ZNF786: variants seen among roughly 807,000 people sequenced by gnomAD.
ZNF786 encodes the protein zinc finger protein 786.
ZNF786 carries 56 observed loss-of-function variants against 63.1 expected under a neutral mutation model. The observed-to-expected ratio is 0.89, with a 90% CI of 0.72 to 1.11. The LOEUF is 1.11. Ranked by LOEUF, ZNF786 falls within the 50% of genes least tolerant of loss-of-function variation. The pLI is 0.00. For synonymous variants in ZNF786, 485 were observed against 406.9 expected, an observed-to-expected ratio of 1.19 and a Z score of -2.31; for missense variants, 1,213 against 1,041.8, an observed-to-expected ratio of 1.16 and a Z score of -2.26.
Position 149,074,492 on chromosome 7 carries a change from C to G in ZNF786, c.192G>C (p.Gly64=). The change falls in exon 3 of 4, where the codon GGG becomes GGC. Residue 64 remains glycine (G), a synonymous_variant. Transcript: ENST00000491431. The part of the protein sequence containing the change: ...KPELISWIEH[G]GEPFRKWRES... The stretch of plus-strand genomic sequence containing the variant: ...CTCTCCATTTCCTGAAGGGCTCTCC[C>G]CCGTGTTCAATCCAGGATATTAGTT... The G allele has an allele frequency of 6.2e-7, 1 of 1,613,880 alleles. No homozygotes were observed. Among genetic ancestry groups the G allele is most frequent in the Non-Finnish European group, 8.5e-7 (1 of 1,179,850 alleles).
chr7:149,075,782 G>T (rs1394991461), intron 2 of ZNF786, among the ~76,000 whole-genome samples: 1 of 140,750 alleles, frequency 7.1e-6, no homozygotes, highest in Admixed American at 7.9e-5. Flanking sequence ...TCCCACCTCA[G>T]CCTCCTGACA....
intron 2 of ZNF786, among the ~76,000 whole-genome samples, chr7:149,079,984 C>T (rs1285554762): frequency 1.3e-5 from 2 of 150,740 alleles, no homozygotes; most frequent in African/African-American, 4.9e-5. Flanking sequence ...CCATCCTGTC[C>T]AACATGGTGA....
intron 1 of ZNF786, among the ~76,000 whole-genome samples, chr7:149,086,601 G>A (rs866266266): frequency 2.1e-4 from 32 of 149,598 alleles, no homozygotes; most frequent in Admixed American, 8.2e-4. Flanking sequence ...GCACTCCAGC[G>A]TGGGTGACAG....
chr7:149,082,890 CTTTTAT>C (rs1563139791), intron 1 of ZNF786, among the ~76,000 whole-genome samples: 2 of 149,782 alleles, frequency 1.3e-5, no homozygotes, highest in African/African-American at 2.5e-5. Context: ...GCCTCTTCAT[CTTTTAT>C]TTTTATTTAT....
In ZNF786 at chr7:149,074,374, C is replaced by T. The variant is rs766084642; in HGVS notation, c.298+12G>A. On this transcript the variant is annotated intron_variant, in intron 3 of 3. Transcript: ENST00000491431. ...TGTCTCAAGGTCGGGGCCCTGATTT[C>T]TTAATACTCACCCCAAAACAGCTGT... 3.1e-6 allele frequency: 5 copies of T among 1,613,214 alleles called. No homozygotes were observed. Among genetic ancestry groups the T allele is most frequent in the African/African-American group, 2.7e-5 (2 of 74,890 alleles).
In ZNF786 at chr7:149,070,399, A is replaced by G; in HGVS notation, c.*24T>C. ...TCCTGGGCAATACCAATCCTGCTCA[A>G]CGCTTTGGATGTCCCACTCTGCCTC... is the stretch of plus-strand genomic sequence containing the variant. On this transcript the variant is annotated 3_prime_UTR_variant, in exon 4 of 4. Transcript: ENST00000491431. 1 of 1,606,050 alleles carries G rather than the reference A, an allele frequency of 6.2e-7. No homozygotes were observed. The highest frequency in any genetic ancestry group is 1.1e-5 in the South Asian group (1 of 89,942).
At position 149,072,233 on chromosome 7, in the gene ZNF786, G is replaced by C. The variant is rs866837239; in HGVS notation, c.539C>G (p.Pro180Arg). 4.3e-6 allele frequency: 7 copies of C among 1,613,476 alleles called. No homozygotes were observed. Among genetic ancestry groups the C allele is most frequent in the Non-Finnish European group, 5.9e-6 (7 of 1,179,790 alleles). The change falls in exon 4 of 4, where the codon CCC becomes CGC. Residue 180 changes from proline to arginine, a missense_variant. Transcript: ENST00000491431. ...AGGGTGCTGGGTGCTCTCCCAGGCG[G>C]GGACGTCCCACAAACCAGGAAGATC... ...NLDLPGLWDV[P>R]AWESTQHPWP...
intron 1 of ZNF786, among the ~76,000 whole-genome samples, chr7:149,086,881 G>A (rs1442686206): frequency 2.7e-5 from 4 of 146,654 alleles, no homozygotes; most frequent in African/African-American, 5.1e-5. Flanking sequence ...TTGCTCCATC[G>A]CCCAGGCAGG....
chr7:149,082,496 A>G, intron 1 of ZNF786: 1 of 905,198 alleles, frequency 1.1e-6, no homozygotes, highest in Non-Finnish European at 1.3e-6. Context: ...TTACATAAGC[A>G]TACATCCCAC....
Position 149,071,617 on chromosome 7 carries a change from G to T in ZNF786, c.1155C>A (p.Ala385=), listed in dbSNP as rs777289258. The T allele has an allele frequency of 1.3e-6, 2 of 1,589,670 alleles. No individual in the cohort carries two copies. The highest frequency in any genetic ancestry group is 2.3e-5 in the East Asian group (1 of 43,864). Residue 385 remains alanine, a synonymous_variant, in exon 4 of 4, where the codon GCC becomes GCA. Coordinates refer to ENST00000491431, the MANE Select transcript of ZNF786 (RefSeq NM_152411.4). Reference sequence around the variant, plus strand: ...CTCCAGTATGCGCCCTGCAGGGGCTGGCGAGCCTGGCGCTCATAGGGGAGC... The same window carrying T: ...CTCCAGTATGCGCCCTGCAGGGGCTTGCGAGCCTGGCGCTCATAGGGGAGC... ...GERSPMSARL[A]SPCRAHTGEK...
chr7:149,069,969 ATAAT>A lies in ZNF786; in HGVS notation c.*450_*453del, dbSNP rs1825369432. On this transcript the variant is annotated 3_prime_UTR_variant, in exon 4 of 4. Coordinates refer to ENST00000491431, the MANE Select transcript of ZNF786 (RefSeq NM_152411.4). The stretch of plus-strand genomic sequence containing the variant: ...CTTTTTAAAATGTCAGAACTTCCTT[ATAAT>A]TACACACATATATTTTTATACAAAT... The A allele has an allele frequency of 6.5e-6, 1 of 154,966 alleles. No individual in the cohort carries two copies. Among genetic ancestry groups the A allele is most frequent in the Admixed American group, 6.3e-5 (1 of 15,768 alleles). The allele number at this position is 154,966 out of a possible 1,614,324, so 9.6% of individuals were successfully genotyped here. A position where few individuals can be genotyped will look rare whatever the true frequency, so the allele number is the denominator to read the frequency against.
intron 1 of ZNF786, among the ~76,000 whole-genome samples, chr7:149,086,489 G>T (rs1270464583): frequency 6.6e-6 from 1 of 152,174 alleles, no homozygotes; most frequent in African/African-American, 2.4e-5. Context: ...TTAGCTGGGT[G>T]TGGTGGCAGG....
intron 2 of ZNF786, among the ~76,000 whole-genome samples, chr7:149,079,563 CTTTTTTTTTT>C (rs377025040): frequency 1.7e-5 from 2 of 119,442 alleles, no homozygotes; most frequent in East Asian, 4.9e-4. Flanking sequence ...GACAGCTACT[CTTTTTTTTTT>C]TTTTTTTTTC....
rs1466452960 is a variant in ZNF786, at chr7:149,090,630, G to A, written c.11C>T (p.Pro4Leu). Reference protein sequence around the residue: MAEPPRLPLTFEDV... With the variant: MAELPRLPLTFEDV... Reference sequence around the variant, plus strand: ...ACAGGCTAGCCCGCTTACCCGAGGCGGCTCCGCCATGGTCCCCGCGGTCCC... The same window carrying A: ...ACAGGCTAGCCCGCTTACCCGAGGCAGCTCCGCCATGGTCCCCGCGGTCCC... Residue 4 changes from proline to leucine, a missense_variant, in exon 1 of 4, where the codon CCG (proline) becomes CTG (leucine). By Grantham distance (98) the Pro-to-Leu change is moderately conservative. Coordinates refer to ENST00000491431, the MANE Select transcript of ZNF786 (RefSeq NM_152411.4). The A allele has an allele frequency of 6.3e-7, 1 of 1,591,424 alleles. No individual in the cohort carries two copies. Among genetic ancestry groups the A allele is most frequent in the East Asian group, 2.3e-5 (1 of 43,328 alleles).
rs117739831 is a variant in ZNF786 at position 149,083,506 on chromosome 7, C to T, written c.19-2789G>A. Among the ~76,000 whole-genome samples, 1,076 of 152,254 alleles carry T rather than the reference C, an allele frequency of 7.1e-3. 10 individuals carry two copies. In the Middle Eastern group the frequency reaches 0.071, roughly 10 times the overall value. ...CTAGGATTACAGGCGTGATCCACCG[C>T]GCCCGGCCAAAGTTTATTTTTATTT... is the stretch of plus-strand genomic sequence containing the variant. On this transcript the variant is annotated intron_variant, in intron 1 of 3. Transcript: ENST00000491431.
In ZNF786 at chr7:149,071,818, G is replaced by T. The variant is rs763273325; in HGVS notation, c.954C>A (p.His318Gln). Residue 318 changes from histidine to glutamine, a missense_variant, in exon 4 of 4, where the codon CAC (histidine) becomes CAA (glutamine). By Grantham distance (24) the His-to-Gln change is conservative. Transcript: ENST00000491431. ...TCCAAGAGGCCGGCCCCTCCCGGCT[G>T]TGCTGGCACCGGCGAGCCTGCGTGC... is the stretch of plus-strand genomic sequence containing the variant. ...VDSTQARRCQHSREGPASWRE... is the reference protein window; with the variant it reads ...VDSTQARRCQQSREGPASWRE... 2 of 1,589,816 alleles carry T rather than the reference G, an allele frequency of 1.3e-6. No individual in the cohort carries two copies. Among genetic ancestry groups the T allele is most frequent in the East Asian group, 4.5e-5 (2 of 44,616 alleles).
At chr7:149,089,879 A>G (rs570693220) in intron 1 of ZNF786, among the ~76,000 whole-genome samples, 3 of 151,160 alleles carry the variant, frequency 2.0e-5, no homozygotes, top group African/African-American at 7.3e-5. Flanking sequence ...ATGCCAGGCT[A>G]ATTTTTTGTA....
chr7:149,070,928 T>G lies in ZNF786; in HGVS notation c.1844A>C (p.His615Pro), dbSNP rs760640981. ...KGQLLSHQRL[H>P]TGERPFQCPE... ...ACACTGGAAGGGCCTCTCTCCCGTGTGCAGGCGCTGATGGCTGAGCAGCTG... is the reference window on the plus strand; with the variant it reads ...ACACTGGAAGGGCCTCTCTCCCGTGGGCAGGCGCTGATGGCTGAGCAGCTG... The change falls in exon 4 of 4, where the codon CAC (histidine) becomes CCC (proline). Residue 615 changes from histidine (H) to proline (P), a missense_variant. Coordinates refer to ENST00000491431, the MANE Select transcript of ZNF786 (RefSeq NM_152411.4). 1.2e-6 allele frequency: 2 copies of G among 1,613,570 alleles called. No homozygotes were observed. Among genetic ancestry groups the G allele is most frequent in the African/African-American group, 2.7e-5 (2 of 74,918 alleles).
rs1342102791 is a variant in ZNF786 at position 149,071,008 on chromosome 7, G to A, written c.1764C>T (p.Ser588=). ...CTGGGCACTGGAAGGGTCTCTCCCC[G>A]CTGTGCACGCGCAAGTGCTCCGTGA... ...SKLTEHLRVH[S]GERPFQCPEC... The change falls in exon 4 of 4, where the codon AGC becomes AGT. Residue 588 remains serine (S), a synonymous_variant. Transcript: ENST00000491431. 1.2e-5 allele frequency: 19 copies of A among 1,612,456 alleles called. No individual in the cohort carries two copies. The highest frequency in any genetic ancestry group is 1.4e-5 in the Non-Finnish European group (17 of 1,179,880).
Sources: allele counts gnomAD v4.1 joint callset (sites outside exome capture counted in the v4.1 genomes callset), GRCh38; gene constraint gnomAD v4.1.1; transcripts MANE v1.5; gene names NCBI Gene and HGNC (gene_info 2026-07-23, HGNC 2026-07-21).